Variants in WFDC3 observed in about 807,000 individuals in gnomAD.
WFDC3 encodes WAP four-disulfide core domain protein 3.
In WFDC3, 15 loss-of-function variants were observed where a neutral mutation model predicts 25.8. The ratio of observed to expected loss-of-function variants is 0.58; its 90% CI spans 0.39 to 0.89. The LOEUF (loss-of-function observed/expected upper bound fraction) is 0.89, where lower values mean the gene tolerates loss of function less well. WFDC3 is among the 40% of genes least tolerant of loss of function. The pLI, the probability that WFDC3 is intolerant of heterozygous loss-of-function variation, is 0.00. For missense variants in WFDC3, 264 were observed against 289.8 expected, an observed-to-expected ratio of 0.91 and a Z score of 0.65; for synonymous variants, 103 against 107.1, an observed-to-expected ratio of 0.96 and a Z score of 0.24.
intron 1 of WFDC3, chr20:45,791,072 A>G (rs959722938): frequency 1.8e-5 from 7 of 385,244 alleles, no homozygotes; most frequent in Non-Finnish European, 3.1e-5. Context: ...TAATAGGATC[A>G]AAAAGTTTGG....
Position 45,775,425 on chromosome 20 carries a change from G to C in WFDC3, c.671C>G (p.Ser224Cys), listed in dbSNP as rs267605955. ...MNPNWTVRSD[S>C]ELEIPVP ...CAATGGACTGTACTCACCTAATTCG[G>C]AATCAGACCTCACAGTCCAGTTGGG... Residue 224 changes from serine (S) to cysteine (C), a missense_variant, in exon 6 of 7, where the codon TCC becomes TGC. Physicochemically the swap from Ser to Cys is moderately radical, Grantham distance 112. Coordinates refer to ENST00000243938, the MANE Select transcript of WFDC3 (RefSeq NM_080614.2). 6.2e-7 allele frequency: 1 copy of C among 1,613,976 alleles called. No homozygotes were observed. The highest frequency in any genetic ancestry group is 1.3e-5 in the African/African-American group (1 of 74,934).
chr20:45,785,699 G>A (rs1480086334), intron 4 of WFDC3, among the ~76,000 whole-genome samples: 1 of 152,046 alleles, frequency 6.6e-6, no homozygotes, highest in Non-Finnish European at 1.5e-5. Flanking sequence ...TGAAACAAGA[G>A]GAAAATAGGA....
chr20:45,783,238 C>T (rs774948070), intron 4 of WFDC3, among the ~76,000 whole-genome samples: 4 of 152,082 alleles, frequency 2.6e-5, no homozygotes, highest in East Asian at 3.9e-4. Flanking sequence ...AGAGAAGGGG[C>T]GGACCAGAAC....
At position 45,775,557 on chromosome 20, in the gene WFDC3, A is replaced by G. The variant is rs144559312; in HGVS notation, c.539T>C (p.Val180Ala). The G allele has an allele frequency of 2.5e-6, 4 of 1,614,176 alleles. No individual in the cohort carries two copies. Among genetic ancestry groups the G allele is most frequent in the East Asian group, 2.2e-5 (1 of 44,884 alleles). The change falls in exon 6 of 7, where the codon GTT becomes GCT. Residue 180 changes from valine (V) to alanine (A), a missense_variant. Coordinates refer to ENST00000243938, the MANE Select transcript of WFDC3 (RefSeq NM_080614.2). ...ACAATTCTCATCCATCACACAGCCA[A>G]CAATGCACAGGCCCACCAGAACTTT... ...CPKVLVGLCI[V>A]GCVMDENCQA...
intron 5 of WFDC3, 102 bp from the exon 6 acceptor site, chr20:45,775,704 C>G (rs1980112359): frequency 6.8e-7 from 1 of 1,463,570 alleles, no homozygotes; most frequent in African/African-American, 1.4e-5. Flanking sequence ...TCAATCAACC[C>G]CTGACCCTCA....
chr20:45,779,776 G>A (rs1306556745), intron 4 of WFDC3: 8 of 152,102 alleles, frequency 5.3e-5, no homozygotes. Flanking sequence ...TTGACCTTGA[G>A]ATGACCAATG....
intron 4 of WFDC3, chr20:45,778,868 A>T (rs1489010167): frequency 6.6e-6 from 1 of 151,998 alleles, no homozygotes; most frequent in Non-Finnish European, 1.5e-5. Context: ...AAAAAAAAGA[A>T]TTGCAAAGGA....
Position 45,787,816 on chromosome 20 carries a change from G to C in WFDC3, c.358+20C>G. Reference sequence around the variant, plus strand: ...AAGCAGACCAAACAGACCATGAGGTGTGGGGACAGCGTTTCTTACCCAGCT... The same window carrying C: ...AAGCAGACCAAACAGACCATGAGGTCTGGGGACAGCGTTTCTTACCCAGCT... On this transcript the variant is annotated intron_variant, in intron 4 of 6. Transcript: ENST00000243938. 6.2e-7 allele frequency: 1 copy of C among 1,607,076 alleles called. No individual in the cohort carries two copies. The highest frequency in any genetic ancestry group is 1.7e-4 in the Middle Eastern group (1 of 6,026).
At chr20:45,790,517 G>C (rs992993007) in intron 1 of WFDC3, among the ~76,000 whole-genome samples, 1 of 152,240 alleles carries the variant, frequency 6.6e-6, no homozygotes, top group African/African-American at 2.4e-5. Flanking sequence ...CTGAGGTCAG[G>C]AGTTTGAGAC....
At chr20:45,784,889 A>C (rs758127716) in intron 4 of WFDC3, among the ~76,000 whole-genome samples, 1 of 152,222 alleles carries the variant, frequency 6.6e-6, no homozygotes, top group Non-Finnish European at 1.5e-5. Flanking sequence ...AGAGAAGGGA[A>C]CTAAGGCTCA....
chr20:45,776,470 G>A (rs2056162), intron 5 of WFDC3, among the ~76,000 whole-genome samples: 1,791 of 150,918 alleles, frequency 0.012, 31 homozygotes, highest in African/African-American at 0.041. Context: ...GCTGGGCATG[G>A]TGGCGTGTGC....
At position 45,774,437 on chromosome 20, in the gene WFDC3, C is replaced by T. The variant is rs149882811; in HGVS notation, c.687G>A (p.Pro229=). ...TVRSDSELEI[P]VP ...AGACAAATCAGCACAGCTAGGGCAC[C>T]GGGATCTCTGCAAGTAGAAGAAACA... The change falls in exon 7 of 7, where the codon CCG becomes CCA. Residue 229 remains proline, a synonymous_variant. Coordinates refer to ENST00000243938, the MANE Select transcript of WFDC3 (RefSeq NM_080614.2). The T allele has an allele frequency of 8.0e-4, 1,293 of 1,614,098 alleles. 16 individuals carry two copies. Among genetic ancestry groups the T allele is most frequent in the Non-Finnish European group, 1.1e-4 (124 of 1,179,998 alleles).
intron 4 of WFDC3, among the ~76,000 whole-genome samples, chr20:45,780,833 C>T (rs576953947): frequency 6.6e-6 from 1 of 152,270 alleles, no homozygotes; most frequent in South Asian, 2.1e-4. Context: ...ACTTACTCCC[C>T]TTCTCTTGTA....
In WFDC3 at chr20:45,791,871, G is replaced by T. The variant is rs1278441890; in HGVS notation, c.-47C>A. On this transcript the variant is annotated 5_prime_UTR_variant, in exon 1 of 7. Coordinates refer to ENST00000243938, the MANE Select transcript of WFDC3 (RefSeq NM_080614.2). ...TAACTGTCCTGGGCGAGGCGCGGCG[G>T]TTCGGTTCCCATGGTAACCCCGCAG... 3 of 572,350 alleles carry T rather than the reference G, an allele frequency of 5.2e-6. No homozygotes were observed. In the African/African-American group the frequency reaches 5.8e-5, roughly 11 times the overall value. The allele number at this position is 572,350 out of a possible 1,614,324, so 35.5% of individuals were successfully genotyped here. A position where few individuals can be genotyped will look rare whatever the true frequency, so the allele number is the denominator to read the frequency against.
intron 5 of WFDC3, among the ~76,000 whole-genome samples, chr20:45,776,597 CAAAAAAAAAAAAAAAGAAAAAAAAGAAA>C (rs1187003376): frequency 7.7e-5 from 1 of 12,910 alleles, no homozygotes; most frequent in Admixed American, 1.3e-3. Context: ...GACTCTGTCT[CAAAAAAAAAAAAAAAGAAAAAAAAGAAA>C]AAAAAAAAAA....
At chr20:45,774,672 T>A (rs1980051205) in intron 6 of WFDC3, among the ~76,000 whole-genome samples, 1 of 152,242 alleles carries the variant, frequency 6.6e-6, no homozygotes, top group Non-Finnish European at 1.5e-5. Context: ...TCGGGCACAG[T>A]GGCTCATGCC....
chr20:45,782,879 T>C (rs548987911), intron 4 of WFDC3, among the ~76,000 whole-genome samples: 1 of 152,264 alleles, frequency 6.6e-6, no homozygotes, highest in Non-Finnish European at 1.5e-5. Context: ...AAAGGCTTCC[T>C]ATTGCACTTA....
At chr20:45,776,958 G>T in intron 5 of WFDC3, 117 bp downstream of exon 5, 2 of 1,550,130 alleles carry the variant, frequency 1.3e-6, no homozygotes, top group Non-Finnish European at 1.8e-6. Context: ...GGGTTGCTTT[G>T]GGTTGGGGGA....
intron 3 of WFDC3, chr20:45,788,606 G>T (rs1185231826): frequency 1.4e-5 from 3 of 207,182 alleles, no homozygotes; most frequent in Admixed American, 5.8e-5. Flanking sequence ...GCTTAAAAAG[G>T]TCTGCTTGGC....
Sources: allele counts gnomAD v4.1 joint callset (sites outside exome capture counted in the v4.1 genomes callset), GRCh38; gene constraint gnomAD v4.1.1; transcripts MANE v1.5; gene names NCBI Gene and HGNC (gene_info 2026-07-23, HGNC 2026-07-21).